Variants in PDZD9 observed in about 807,000 individuals in gnomAD.
The protein encoded by PDZD9 is PDZ domain containing 9, also known as PDZ domain-containing protein 9.
A neutral mutation model predicts 16.3 loss-of-function variants in PDZD9; 13 were observed. The ratio of observed to expected loss-of-function variants is 0.80; its 90% confidence interval spans 0.52 to 1.27. The LOEUF is 1.27. Among genes scored for constraint, PDZD9 ranks in the 50% most tolerant of loss-of-function variants. The probability of loss-of-function intolerance (pLI) is 0.00; values close to 1 mark genes in which losing one functional copy is unlikely to be tolerated. For missense variants in PDZD9, 288 were observed against 310.9 expected (o/e 0.93, Z 0.55); for synonymous variants, 120 against 111.0 (o/e 1.08, Z -0.51).
At chr16:21,957,624 A>G in the PDZD9 span, 2 of 1,577,432 alleles carry the variant, frequency 1.3e-6, no homozygotes, top group Admixed American at 2.0e-5. Context: ...GGTCCTGTGA[A>G]AAAGAAAAAC....
intron 2 of PDZD9, among the ~76,000 whole-genome samples, chr16:21,993,351 G>A (rs1437830796): frequency 1.3e-5 from 2 of 152,122 alleles, no homozygotes; most frequent in Non-Finnish European, 2.9e-5. Flanking sequence ...ACCTGACCTT[G>A]AAGAAGCTGA....
chr16:21,992,161 C>T (rs1031020325), intron 2 of PDZD9, among the ~76,000 whole-genome samples: 3 of 151,988 alleles, frequency 2.0e-5, no homozygotes, highest in African/African-American at 7.3e-5. Flanking sequence ...CCCAGGGGTT[C>T]GAGGCTGCAG....
chr16:21,957,843 G>T, the PDZD9 span, among the ~76,000 whole-genome samples: 2 of 152,180 alleles, frequency 1.3e-5, no homozygotes, highest in African/African-American at 2.4e-5. Context: ...CCTGTTCCTA[G>T]CTTCCAGCAG....
At chr16:21,974,627 T>C in the PDZD9 span, among the ~76,000 whole-genome samples, 1 of 152,052 alleles carries the variant, frequency 6.6e-6, no homozygotes, top group Non-Finnish European at 1.5e-5. Context: ...GAATGACAAG[T>C]AAGAAATGAG....
At position 21,995,265 on chromosome 16, in the gene PDZD9, T is replaced by C. The variant is rs909528503; in HGVS notation, c.211+1057A>G. ...CCTTCCTCTTCACCTTCTGCCATGA[T>C]TGTAAGTTTCCTGAGGCCTCCCCAG... On this transcript the variant is annotated intron_variant, in intron 2 of 3. Transcript: ENST00000424898. 4 of 456,934 alleles carry C rather than the reference T, an allele frequency of 8.8e-6. 1 individual carries two copies. The highest frequency in any genetic ancestry group is 4.0e-5 in the African/African-American group (2 of 49,976). The allele number at this position is 456,934 out of a possible 1,614,324, so 28.3% of individuals were successfully genotyped here.
intron 2 of PDZD9, among the ~76,000 whole-genome samples, chr16:21,993,233 A>T (rs568958546): frequency 6.6e-6 from 1 of 152,160 alleles, no homozygotes. Context: ...CAAAGAGCCC[A>T]CTAACTATAG....
At chr16:22,000,843 G>GATGATC (rs1899279396) in intron 1 of PDZD9, among the ~76,000 whole-genome samples, 174 bp downstream of exon 1, 1 of 151,340 alleles carries the variant, frequency 6.6e-6, no homozygotes, top group Admixed American at 6.6e-5. Context: ...TGATGATGAT[G>GATGATC]ATGATGATGA....
chr16:21,961,626 T>TTATATATATATATGTATA, the PDZD9 span, among the ~76,000 whole-genome samples: 2 of 64,476 alleles, frequency 3.1e-5, no homozygotes, highest in Non-Finnish European at 8.5e-5. Flanking sequence ...AACATAAAAT[T>TTATATATATATATGTATA]TATATATATA....
At chr16:21,976,350 A>C in the PDZD9 span, 1 of 966,558 alleles carries the variant, frequency 1.0e-6, no homozygotes, top group East Asian at 2.7e-5. Flanking sequence ...TGAGAAGTAC[A>C]GAAAAGCGTA....
downstream of PDZD9, among the ~76,000 whole-genome samples, chr16:21,981,367 A>G (rs1254402193): frequency 6.6e-6 from 1 of 152,186 alleles, no homozygotes. Flanking sequence ...CATTTTCTAC[A>G]TTAAACTTGC....
the PDZD9 span, chr16:21,974,107 A>C: frequency 1.4e-6 from 1 of 739,412 alleles, no homozygotes; most frequent in Non-Finnish European, 2.1e-6. Flanking sequence ...GTATAGTATG[A>C]TGTCATTGAA....
chr16:21,962,808 T>C, the PDZD9 span: 1 of 1,613,992 alleles, frequency 6.2e-7, no homozygotes, highest in Admixed American at 1.7e-5. Flanking sequence ...GCACCAGAAT[T>C]TCGTCGTTGG....
the PDZD9 span, among the ~76,000 whole-genome samples, chr16:21,961,073 C>T: frequency 6.6e-6 from 1 of 152,138 alleles, no homozygotes; most frequent in East Asian, 1.9e-4. Flanking sequence ...TCAGGTGATC[C>T]TCTCACCTCA....
chr16:21,998,371 C>CA (rs1257304218), intron 1 of PDZD9: 1 of 209,502 alleles, frequency 4.8e-6, no homozygotes, highest in East Asian at 1.1e-4. Context: ...TTCGGGAAGG[C>CA]AAGAAACACA....
Position 21,984,043 on chromosome 16 carries a change from G to C in PDZD9, c.*224C>G. ...AAAAGAAAGAAATTCTTCTCAAAAAGGAGGGTCTTATTCTGAAAATAAGAT... is the reference window on the plus strand; with the variant it reads ...AAAAGAAAGAAATTCTTCTCAAAAACGAGGGTCTTATTCTGAAAATAAGAT... On this transcript the variant is annotated 3_prime_UTR_variant, in exon 4 of 4. Coordinates refer to ENST00000424898, the MANE Select transcript of PDZD9 (RefSeq NM_001363519.1). 1 of 417,744 alleles carries C rather than the reference G, an allele frequency of 2.4e-6. No homozygotes were observed. The highest frequency in any genetic ancestry group is 4.2e-6 in the Non-Finnish European group (1 of 235,310). The allele number at this position is 417,744 out of a possible 1,614,324, so 25.9% of individuals were successfully genotyped here. A position where few individuals can be genotyped will look rare whatever the true frequency, so the allele number is the denominator to read the frequency against.
downstream of PDZD9, among the ~76,000 whole-genome samples, chr16:21,982,914 A>G (rs1477101861): frequency 2.6e-5 from 4 of 151,208 alleles, no homozygotes; most frequent in Non-Finnish European, 4.4e-5. Flanking sequence ...CAGTGAGCCA[A>G]GATCGCAGCA....
the PDZD9 span, chr16:21,974,100 T>C: frequency 2.6e-6 from 2 of 775,788 alleles, no homozygotes; most frequent in South Asian, 2.0e-5. Flanking sequence ...GAGCTCTGTA[T>C]AGTATGATGT....
rs144882750 is a variant in PDZD9 at position 21,985,994 on chromosome 16, T to A, written c.402-1334A>T. Among the ~76,000 whole-genome samples the A allele has an allele frequency of 4.6e-5, 7 of 152,146 alleles. No individual in the cohort carries two copies. The East Asian group carries it at 1.4e-3, about 29-fold the overall frequency. On this transcript the variant is annotated intron_variant, in intron 3 of 3. Transcript: ENST00000424898. ...TTTTTTTTTCAGACTGCAGGGGGAA[T>A]CCTTGGCAACTCTGATGGTTAGGTA...
At chr16:21,979,125 A>G (rs2141947939), downstream of PDZD9, among the ~76,000 whole-genome samples, 1 of 152,344 alleles carries the variant, frequency 6.6e-6, no homozygotes, top group South Asian at 2.1e-4. Context: ...TGTGACCTTT[A>G]TAACACTGTG....
Sources: allele counts gnomAD v4.1 joint callset (sites outside exome capture counted in the v4.1 genomes callset), GRCh38; gene constraint gnomAD v4.1.1; transcripts MANE v1.5; gene names NCBI Gene and HGNC (gene_info 2026-07-23, HGNC 2026-07-21).